The following KCNN2 variants were observed in gnomAD, a reference collection of about 807,000 sequenced individuals.
KCNN2 encodes the protein small conductance calcium-activated potassium channel protein 2.
In KCNN2, 24 loss-of-function variants were observed where a neutral mutation model predicts 55.5. That is an observed-to-expected ratio of 0.43 (90% confidence interval 0.31 to 0.61). KCNN2 has a LOEUF of 0.61. Ranked by LOEUF, KCNN2 falls within the 20% of genes least tolerant of loss-of-function variation. The pLI is 0.08. For synonymous variants in KCNN2, 431 were observed against 336.1 expected (o/e 1.28, Z -3.09); for missense variants, 754 against 853.6 (o/e 0.88, Z 1.45).
At chr5:114,088,542 T>C (rs1215086680) in intron 1 of KCNN2, among the ~76,000 whole-genome samples, 1 of 152,190 alleles carries the variant, frequency 6.6e-6, no homozygotes, top group African/African-American at 2.4e-5. Context: ...TTTCTTCCAG[T>C]ATTCTTATAA....
chr5:114,214,488 G>A (rs1480452202), intron 1 of KCNN2, among the ~76,000 whole-genome samples: 1 of 152,068 alleles, frequency 6.6e-6, no homozygotes, highest in Non-Finnish European at 1.5e-5. Context: ...CTCAACTAAA[G>A]CATGGGCATT....
intron 1 of KCNN2, among the ~76,000 whole-genome samples, chr5:114,064,224 C>T (rs1443486724): frequency 6.6e-6 from 1 of 152,210 alleles, no homozygotes; most frequent in African/African-American, 2.4e-5. Context: ...GTGCCTCTCA[C>T]TTTGTGCAGA....
intron 2 of KCNN2, among the ~76,000 whole-genome samples, chr5:114,392,685 G>C (rs1187100136): frequency 6.6e-6 from 1 of 152,004 alleles, no homozygotes; most frequent in Non-Finnish European, 1.5e-5. Flanking sequence ...CTTTCTGTTT[G>C]TCTTTTGACC....
intron 1 of KCNN2, among the ~76,000 whole-genome samples, chr5:114,167,528 T>C (rs1752939860): frequency 6.6e-6 from 1 of 152,104 alleles, no homozygotes; most frequent in African/African-American, 2.4e-5. Flanking sequence ...TCTGATATTT[T>C]AGAAGAGTAG....
At chr5:114,388,732 G>C (rs1172919031) in intron 2 of KCNN2, among the ~76,000 whole-genome samples, 1 of 151,586 alleles carries the variant, frequency 6.6e-6, no homozygotes, top group African/African-American at 2.4e-5. Context: ...CTGAGAAATA[G>C]TTAGTTCTGT....
intron 2 of KCNN2, among the ~76,000 whole-genome samples, chr5:114,385,519 G>GCGCGCACACACACACA (rs1458678711): frequency 7.0e-6 from 1 of 143,454 alleles, no homozygotes; most frequent in African/African-American, 2.6e-5. Flanking sequence ...ACACATGCGC[G>GCGCGCACACACACACA]CACACACACA....
intron 1 of KCNN2, among the ~76,000 whole-genome samples, chr5:114,163,079 G>A (rs530003009): frequency 2.8e-4 from 43 of 152,230 alleles, no homozygotes; most frequent in African/African-American, 8.4e-4. Context: ...GAAATCACCC[G>A]TCTTCTGCGT....
intron 1 of KCNN2, among the ~76,000 whole-genome samples, chr5:114,186,178 C>T (rs1465354364): frequency 6.6e-6 from 1 of 152,060 alleles, no homozygotes; most frequent in Admixed American, 6.5e-5. Flanking sequence ...TTTCTGTGAC[C>T]AGTATACTAA....
chr5:114,150,390 A>G (rs1001274525), intron 1 of KCNN2, among the ~76,000 whole-genome samples: 2 of 152,200 alleles, frequency 1.3e-5, no homozygotes, highest in Admixed American at 6.5e-5. Context: ...AAACCAGTAA[A>G]ACTTTCTTCA....
intron 5 of KCNN2, among the ~76,000 whole-genome samples, chr5:114,479,987 A>G (rs1219366420): frequency 1.3e-5 from 2 of 152,046 alleles, no homozygotes; most frequent in African/African-American, 2.4e-5. Flanking sequence ...AACCCCAAAG[A>G]TAGCAGAAGA....
At chr5:114,234,205 A>G (rs1754424976) in intron 2 of KCNN2, among the ~76,000 whole-genome samples, 1 of 152,198 alleles carries the variant, frequency 6.6e-6, no homozygotes, top group Non-Finnish European at 1.5e-5. Flanking sequence ...TTTCAGACAT[A>G]TCATTTATCT....
chr5:114,469,480 T>A (rs898286889), intron 4 of KCNN2, among the ~76,000 whole-genome samples: 6 of 152,218 alleles, frequency 3.9e-5, no homozygotes, highest in African/African-American at 1.4e-4. Context: ...GAGAGAAAAG[T>A]AACCAGGATA....
intron 1 of KCNN2, among the ~76,000 whole-genome samples, chr5:114,197,139 A>G (rs1580609944): frequency 6.6e-6 from 1 of 152,270 alleles, no homozygotes; most frequent in African/African-American, 2.4e-5. Context: ...TGTCTATTCC[A>G]AAATTTCCTT....
At position 114,280,853 on chromosome 5, in the gene KCNN2, T is replaced by A. The variant is rs1375549598; in HGVS notation, c.-185+59288T>A. On this transcript the variant is annotated intron_variant, in intron 2 of 10. Coordinates refer to the KCNN2 transcript ENST00000512097. ...AAAATAAAATCTAAATTCTGTGAGGTTCTGTATGATCTGACTCTCCAGCCT... is the reference window on the plus strand; with the variant it reads ...AAAATAAAATCTAAATTCTGTGAGGATCTGTATGATCTGACTCTCCAGCCT... Among the ~76,000 whole-genome samples, 3 of 152,242 alleles carry A rather than the reference T, an allele frequency of 2.0e-5. No individual in the cohort carries two copies. The East Asian group carries it at 5.8e-4, about 29-fold the overall frequency.
At chr5:114,224,085 T>G (rs998406890) in intron 2 of KCNN2, among the ~76,000 whole-genome samples, 6 of 152,186 alleles carry the variant, frequency 3.9e-5, no homozygotes, top group African/African-American at 1.2e-4. Context: ...TCTTCTAGCA[T>G]TTTAATATCT....
chr5:114,387,083 C>G (rs193257376), intron 2 of KCNN2, among the ~76,000 whole-genome samples: 36 of 152,258 alleles, frequency 2.4e-4, no homozygotes, highest in African/African-American at 8.2e-4. Flanking sequence ...ATTGTGGCCA[C>G]TTGATTATTT....
At chr5:114,141,943 C>G (rs1752290275) in intron 1 of KCNN2, among the ~76,000 whole-genome samples, 7 of 152,138 alleles carry the variant, frequency 4.6e-5, no homozygotes, top group Admixed American at 4.6e-4. Flanking sequence ...TGAGAAGTGT[C>G]TGTTCATATC....
At chr5:114,259,359 A>C (rs945873263) in intron 2 of KCNN2, among the ~76,000 whole-genome samples, 5 of 152,192 alleles carry the variant, frequency 3.3e-5, no homozygotes, top group African/African-American at 1.2e-4. Flanking sequence ...GAATGTCTGC[A>C]GGGGATCTGG....
intron 2 of KCNN2, among the ~76,000 whole-genome samples, chr5:114,283,901 A>G (rs1340554334): frequency 1.3e-5 from 2 of 152,146 alleles, no homozygotes; most frequent in East Asian, 1.9e-4. Context: ...TTTGTCACGC[A>G]TTACATTCTG....
Sources: gnomAD v4.1 joint callset for allele counts (sites outside exome capture counted in the v4.1 genomes callset) on GRCh38, gnomAD v4.1.1 for gene constraint, MANE v1.5 for transcripts, NCBI Gene and HGNC (gene_info 2026-07-23, HGNC 2026-07-21) for gene names.